CD300LD: variants seen among roughly 807,000 people sequenced by gnomAD.
CD300LD encodes CMRF35-like molecule 5.
CD300LD carries 18 observed loss-of-function variants against 20.3 expected under a neutral mutation model. The ratio of observed to expected loss-of-function variants is 0.89; its 90% confidence interval spans 0.61 to 1.32. CD300LD has a LOEUF of 1.32. Ranked by LOEUF, CD300LD falls within the 40% of genes most tolerant of loss-of-function variation. The probability of loss-of-function intolerance (pLI) is 0.00; values close to 1 mark genes in which losing one functional copy is unlikely to be tolerated. For synonymous variants in CD300LD, 104 were observed against 90.1 expected (o/e 1.15, Z -0.87); for missense variants, 195 against 226.6 (o/e 0.86, Z 0.90).
rs558792867 is a variant in CD300LD, at chr17:74,588,505, T to G, written c.379+6A>C. ...GAGACACACACGTATATACACTCCCTCTTACCTGGGTTAATGGTCACTTGA... is the reference window on the plus strand; with the variant it reads ...GAGACACACACGTATATACACTCCCGCTTACCTGGGTTAATGGTCACTTGA... On this transcript the variant is annotated splice_donor_region_variant and intron_variant, in intron 2 of 3. Transcript: ENST00000375352. The G allele has an allele frequency of 6.3e-7, 1 of 1,594,744 alleles. No individual in the cohort carries two copies. The highest frequency in any genetic ancestry group is 2.2e-5 in the East Asian group (1 of 44,766).
At chr17:74,590,218 T>C (rs993629433) in intron 1 of CD300LD, among the ~76,000 whole-genome samples, 2 of 152,134 alleles carry the variant, frequency 1.3e-5, no homozygotes, top group Non-Finnish European at 2.9e-5. Context: ...ATTCTCTCTC[T>C]TGCCTGCTGC....
intron 3 of CD300LD, among the ~76,000 whole-genome samples, chr17:74,581,392 G>C (rs1455022690): frequency 6.6e-6 from 1 of 152,140 alleles, no homozygotes; most frequent in Admixed American, 6.5e-5. Flanking sequence ...CTGTGGTTTG[G>C]GCTCTGGCCT....
intron 2 of CD300LD, among the ~76,000 whole-genome samples, chr17:74,585,318 ATCT>A (rs1362419598): frequency 6.6e-6 from 1 of 152,104 alleles, no homozygotes; most frequent in African/African-American, 2.4e-5. Flanking sequence ...TCCTGCCATT[ATCT>A]TCTTCTTATT....
rs780570694 is a variant in CD300LD at position 74,592,138 on chromosome 17, G to A, written c.40+25C>T. Reference sequence around the variant, plus strand: ...CCAAGCCAGCCGCTGTCATTCCAGTGCCTTAAAGCTCCAGCCACACTCACC... The same window carrying A: ...CCAAGCCAGCCGCTGTCATTCCAGTACCTTAAAGCTCCAGCCACACTCACC... On this transcript the variant is annotated intron_variant, in intron 1 of 3. Coordinates refer to ENST00000375352, the MANE Select transcript of CD300LD (RefSeq NM_001115152.2). The A allele has an allele frequency of 1.4e-5, 22 of 1,614,032 alleles. No individual in the cohort carries two copies. In the South Asian group the frequency reaches 2.3e-4, roughly 17 times the overall value.
At chr17:74,589,102 C>G (rs1000238531) in intron 1 of CD300LD, among the ~76,000 whole-genome samples, 3 of 152,236 alleles carry the variant, frequency 2.0e-5, no homozygotes, top group Non-Finnish European at 4.4e-5. Flanking sequence ...TCCTGCAGTT[C>G]ACCCCTCTCT....
chr17:74,584,925 T>G (rs2030121930), intron 2 of CD300LD: 1 of 152,058 alleles, frequency 6.6e-6, no homozygotes, highest in Non-Finnish European at 1.5e-5. Context: ...GTCAGTGCCC[T>G]AAAGAGGTAC....
At chr17:74,588,069 G>A (rs748040599) in intron 2 of CD300LD, among the ~76,000 whole-genome samples, 3 of 152,212 alleles carry the variant, frequency 2.0e-5, no homozygotes, top group Non-Finnish European at 4.4e-5. Context: ...TAAGATGTCC[G>A]AGGTTGAGGA....
At chr17:74,585,013 G>A (rs2030124224) in intron 2 of CD300LD, 1 of 152,186 alleles carries the variant, frequency 6.6e-6, no homozygotes, top group Non-Finnish European at 1.5e-5. Context: ...AGAGGTACTG[G>A]GAATGGGAAG....
chr17:74,588,181 G>A (rs754386497), intron 2 of CD300LD, among the ~76,000 whole-genome samples: 3 of 152,148 alleles, frequency 2.0e-5, no homozygotes, highest in Non-Finnish European at 2.9e-5. Context: ...GCTAAGTCAG[G>A]TCTGTCTGCC....
chr17:74,590,903 C>CTAAA (rs1211351860), intron 1 of CD300LD, among the ~76,000 whole-genome samples: 1 of 151,818 alleles, frequency 6.6e-6, no homozygotes, highest in East Asian at 1.9e-4. Context: ...CATAGCGAGA[C>CTAAA]TAAATAAATA....
At chr17:74,585,538 A>G (rs7218492) in intron 2 of CD300LD, among the ~76,000 whole-genome samples, 37,227 of 152,068 alleles carry the variant, frequency 0.24, 6,106 homozygotes, top group African/African-American at 0.47. Flanking sequence ...CTCTGCTGCT[A>G]TAGCTGGAAA....
At chr17:74,589,790 G>A (rs752187856) in intron 1 of CD300LD, among the ~76,000 whole-genome samples, 1 of 152,246 alleles carries the variant, frequency 6.6e-6, no homozygotes, top group Admixed American at 6.5e-5. Context: ...AACCATAGCT[G>A]TGATTAGTGC....
At chr17:74,583,473 C>T (rs1342003094) in intron 2 of CD300LD, among the ~76,000 whole-genome samples, 1 of 152,186 alleles carries the variant, frequency 6.6e-6, no homozygotes, top group Non-Finnish European at 1.5e-5. Context: ...ACCTTGATCT[C>T]GGACTTCCAG....
intron 1 of CD300LD, among the ~76,000 whole-genome samples, chr17:74,589,751 T>G (rs2030261100): frequency 6.6e-6 from 1 of 152,216 alleles, no homozygotes; most frequent in Admixed American, 6.5e-5. Flanking sequence ...AAGAAACGAT[T>G]GATTTTGATG....
Position 74,582,291 on chromosome 17 carries a change from C to G in CD300LD, c.400G>C (p.Glu134Gln), listed in dbSNP as rs766488866. The G allele has an allele frequency of 6.2e-7, 1 of 1,613,746 alleles. No individual in the cohort carries two copies. Among genetic ancestry groups the G allele is most frequent in the Admixed American group, 1.7e-5 (1 of 60,016 alleles). ...INPGTQTAVS[E>Q]WTTTTASLAF... ...AGGCTTGCTGTTGTGGTTGTCCATT[C>G]TGAGACTGCAGTTTGTGTGCCTAAA... Residue 134 changes from glutamate to glutamine, a missense_variant, in exon 3 of 4, where the codon GAA (glutamate) becomes CAA (glutamine). Coordinates refer to ENST00000375352, the MANE Select transcript of CD300LD (RefSeq NM_001115152.2).
chr17:74,590,119 C>T (rs745732076), intron 1 of CD300LD, among the ~76,000 whole-genome samples: 68 of 152,246 alleles, frequency 4.5e-4, no homozygotes, highest in Middle Eastern at 3.4e-3. Context: ...AATCATGGGG[C>T]GGTTTCCCCC....
intron 3 of CD300LD, among the ~76,000 whole-genome samples, chr17:74,580,806 G>A (rs763373446): frequency 7.3e-5 from 11 of 150,980 alleles, no homozygotes; most frequent in African/African-American, 1.2e-4. Flanking sequence ...TGGTTCGCAC[G>A]TGTAATCCCA....
Position 74,582,211 on chromosome 17 carries a change from C to T in CD300LD, c.473+7G>A. 1 of 1,613,258 alleles carries T rather than the reference C, an allele frequency of 6.2e-7. No homozygotes were observed. Among genetic ancestry groups the T allele is most frequent in the Non-Finnish European group, 8.5e-7 (1 of 1,179,622 alleles). On this transcript the variant is annotated splice_region_variant and intron_variant, in intron 3 of 3. Transcript: ENST00000375352. ...GTGCGAAAGTGGTGGGACCTGGCTC[C>T]ACCTACCTGGTGAGGGGGCTGCTGG...
intron 3 of CD300LD, among the ~76,000 whole-genome samples, chr17:74,580,720 T>C (rs1336717010): frequency 6.6e-6 from 1 of 151,990 alleles, no homozygotes; most frequent in East Asian, 1.9e-4. Flanking sequence ...TGGGCCTTCG[T>C]TGTTTCTTTC....
Sources: allele counts gnomAD v4.1 joint callset (sites outside exome capture counted in the v4.1 genomes callset), GRCh38; gene constraint gnomAD v4.1.1; transcripts MANE v1.5; gene names NCBI Gene and HGNC (gene_info 2026-07-23, HGNC 2026-07-21).